Variants in DIDO1 observed in about 807,000 individuals in gnomAD.
DIDO1 encodes the protein death inducer-obliterator 1.
DIDO1 carries 16 observed loss-of-function variants against 99.4 expected under a neutral mutation model. The ratio of observed to expected loss-of-function variants is 0.16; its 90% CI spans 0.11 to 0.24. The LOEUF (loss-of-function observed/expected upper bound fraction) is 0.24, where lower values mean the gene tolerates loss of function less well. Ranked by LOEUF, DIDO1 falls within the 10% of genes least tolerant of loss-of-function variation. The pLI is 1.00. For synonymous variants in DIDO1, 1,366 were observed against 1,239.1 expected, an observed-to-expected ratio of 1.10 and a Z score of -2.15; for missense variants, 2,996 against 3,014.0, an observed-to-expected ratio of 0.99 and a Z score of 0.14.
intron 1 of DIDO1, 67 bp from the exon 2 acceptor site, chr20:62,914,473 G>C (rs1018830847): frequency 2.0e-5 from 3 of 152,224 alleles, no homozygotes; most frequent in African/African-American, 2.4e-5. Context: ...AATTAAAAGG[G>C]AGTACCGAAC....
At chr20:62,906,129 T>C in intron 5 of DIDO1, 29 bp from the exon 6 acceptor site, 1 of 1,589,012 alleles carries the variant, frequency 6.3e-7, no homozygotes, top group South Asian at 1.1e-5. Context: ...CCCAAATCAT[T>C]AAAAAGGTAA....
In DIDO1 at chr20:62,880,950, T is replaced by C; in HGVS notation, c.5006A>G (p.Gln1669Arg). 6.2e-7 allele frequency: 1 copy of C among 1,607,836 alleles called. No individual in the cohort carries two copies. Among genetic ancestry groups the C allele is most frequent in the Non-Finnish European group, 8.5e-7 (1 of 1,179,664 alleles). The change falls in exon 16 of 16, where the codon CAG (glutamine) becomes CGG (arginine). Residue 1669 changes from glutamine (Q) to arginine (R), a missense_variant. This residue lies in a region of DIDO1 where 1,562 missense variants were observed against 1,412.6 expected (regional missense o/e 1.11). Transcript: ENST00000395343. ...GTCGTGCTGCAGCGGGAAGCCGGGC[T>C]GCAGGGCGCCGCAAGGCGGTGTGGG... The part of the protein sequence containing the change: ...LLPTPPCGAL[Q>R]PGFPLQHDGE...
At chr20:62,909,561 T>C in intron 4 of DIDO1, 138 bp downstream of exon 4, 3 of 923,634 alleles carry the variant, frequency 3.2e-6, no homozygotes, top group Non-Finnish European at 5.0e-6. Flanking sequence ...CTCACCCAGG[T>C]GGAGTGAGGC....
chr20:62,920,628 G>C (rs2065119885), intron 1 of DIDO1, among the ~76,000 whole-genome samples: 1 of 152,188 alleles, frequency 6.6e-6, no homozygotes, highest in African/African-American at 2.4e-5. Context: ...CTCAAAGCGT[G>C]GTCCAGGGGT....
At chr20:62,908,931 TC>T (rs1310932736) in intron 4 of DIDO1, among the ~76,000 whole-genome samples, 3 of 152,242 alleles carry the variant, frequency 2.0e-5, no homozygotes, top group Non-Finnish European at 4.4e-5. Flanking sequence ...AATTCCCATC[TC>T]CATTCATCTC....
intron 4 of DIDO1, among the ~76,000 whole-genome samples, chr20:62,907,999 A>C (rs1410251236): frequency 6.6e-6 from 1 of 151,698 alleles, no homozygotes; most frequent in African/African-American, 2.4e-5. Flanking sequence ...TTTTTGTTTG[A>C]GACAGGGTCT....
chr20:62,933,604 T>A (rs765614457), intron 1 of DIDO1, among the ~76,000 whole-genome samples: 3 of 152,152 alleles, frequency 2.0e-5, no homozygotes, highest in African/African-American at 2.4e-5. Context: ...ATGCAGTGGT[T>A]CACACCTGTA....
Position 62,909,874 on chromosome 20 carries a change from T to C in DIDO1, c.986A>G (p.His329Arg), listed in dbSNP as rs929525542. ...CTILQVQDET[H>R]SETADQQEAK... The stretch of plus-strand genomic sequence containing the variant: ...TTCCTGCTGATCTGCCGTTTCTGAA[T>C]GAGTCTCATCCTGCACTTGCAGAAT... The change falls in exon 4 of 16, where the codon CAT becomes CGT. Residue 329 changes from histidine (H) to arginine (R), a missense_variant. Around this residue, in one of 5 missense-constraint regions of DIDO1, gnomAD observed 898 missense variants for 972.7 expected, o/e 0.92. Coordinates refer to ENST00000395343, the MANE Select transcript of DIDO1 (RefSeq NM_001193369.2). 30 of 1,614,124 alleles carry C rather than the reference T, an allele frequency of 1.9e-5. No individual in the cohort carries two copies. The Admixed American group carries it at 3.8e-4, about 21-fold the overall frequency.
upstream of DIDO1, among the ~76,000 whole-genome samples, chr20:62,930,796 G>T (rs1211058308): frequency 6.6e-6 from 1 of 152,240 alleles, no homozygotes; most frequent in African/African-American, 2.4e-5. Flanking sequence ...ATTAGCCTCT[G>T]TAAGTTACTC....
At position 62,910,851 on chromosome 20, in the gene DIDO1, C is replaced by A; in HGVS notation, c.762G>T (p.Leu254Phe). ...CCTCACATTCAGGCTTCGGTCGGCC[C>A]AAGTCTCCAGGCTCCTCATCTTTGA... ...QDIKDEEPGD[L>F]GRPKPECEGY... The change falls in exon 3 of 16, where the codon TTG becomes TTT. Residue 254 changes from leucine to phenylalanine, a missense_variant. By Grantham distance (22) the Leu-to-Phe change is conservative (BLOSUM62 0). Transcript: ENST00000395343. 1 of 1,614,176 alleles carries A rather than the reference C, an allele frequency of 6.2e-7. No homozygotes were observed. The highest frequency in any genetic ancestry group is 8.5e-7 in the Non-Finnish European group (1 of 1,180,050).
chr20:62,930,449 GAAAAAC>G (rs1186608283), upstream of DIDO1, among the ~76,000 whole-genome samples: 1 of 152,192 alleles, frequency 6.6e-6, no homozygotes, highest in African/African-American at 2.4e-5. Flanking sequence ...AGAATTCAAG[GAAAAAC>G]AGAAACAGAA....
In DIDO1 at chr20:62,880,831, C is replaced by T. The variant is rs754960044; in HGVS notation, c.5125G>A (p.Ala1709Thr). 2 of 1,612,840 alleles carry T rather than the reference C, an allele frequency of 1.2e-6. No homozygotes were observed. The highest frequency in any genetic ancestry group is 2.2e-5 in the South Asian group (2 of 91,086). Residue 1709 changes from alanine to threonine, a missense_variant, in exon 16 of 16, where the codon GCT becomes ACT. This residue lies in a region of DIDO1 where 1,562 missense variants were observed against 1,412.6 expected (regional missense o/e 1.11). Coordinates refer to ENST00000395343, the MANE Select transcript of DIDO1 (RefSeq NM_001193369.2). Reference protein sequence around the residue: ...QYEDPRNLHSAGRSSSPAGET... With the variant: ...QYEDPRNLHSTGRSSSPAGET... ...CCTGCAGGGCTGCTGCTCCTTCCAGCAGAATGAAGATTTCTTGGGTCCTCA... is the reference window on the plus strand; with the variant it reads ...CCTGCAGGGCTGCTGCTCCTTCCAGTAGAATGAAGATTTCTTGGGTCCTCA...
At chr20:62,922,428 A>AG (rs1477637255) in intron 1 of DIDO1, among the ~76,000 whole-genome samples, 1 of 151,998 alleles carries the variant, frequency 6.6e-6, no homozygotes, top group Non-Finnish European at 1.5e-5. Flanking sequence ...CCCTCAGTTA[A>AG]GCAGATGGGG....
chr20:62,906,203 C>T, intron 5 of DIDO1, 103 bp from the exon 6 acceptor site: 1 of 1,438,022 alleles, frequency 7.0e-7, no homozygotes, highest in Non-Finnish European at 9.3e-7. Flanking sequence ...CTTCCTGAGG[C>T]CATCTGAAGA....
chr20:62,917,217 G>A (rs1162332262), intron 1 of DIDO1, among the ~76,000 whole-genome samples: 1 of 151,878 alleles, frequency 6.6e-6, no homozygotes, highest in African/African-American at 2.4e-5. Flanking sequence ...TTTTTGTAGA[G>A]ACAGGGTCTT....
chr20:62,895,259 G>A (rs915121072), intron 8 of DIDO1, 94 bp from the exon 9 acceptor site: 49 of 1,205,274 alleles, frequency 4.1e-5, no homozygotes, highest in African/African-American at 7.5e-5. Context: ...GAAGTTTAGC[G>A]GGCACAGGAC....
intron 1 of DIDO1, among the ~76,000 whole-genome samples, chr20:62,932,478 T>G (rs73314662): frequency 0.017 from 2,664 of 152,340 alleles, 87 homozygotes; most frequent in African/African-American, 0.061. Flanking sequence ...CCCAAACCAG[T>G]AACTGTCTAT....
rs535181138 is a variant in DIDO1, at chr20:62,888,850, T to G, written c.3541+2110A>C. 1.5e-5 allele frequency: 15 copies of G among 985,456 alleles called. No homozygotes were observed. In the Admixed American group the frequency reaches 9.2e-4, roughly 60 times the overall value. 61.0% of individuals were successfully genotyped at this position (985,456 alleles called of 1,614,324 possible). On this transcript the variant is annotated intron_variant, in intron 15 of 15. Coordinates refer to ENST00000395343, the MANE Select transcript of DIDO1 (RefSeq NM_001193369.2). ...GTGTGTGAGATTTCACGCACACGCA[T>G]TCATGTCAACAAGGACATCAGGAGA...
chr20:62,935,312 ATTCC>A (rs578167841), intron 1 of DIDO1, among the ~76,000 whole-genome samples: 98 of 152,092 alleles, frequency 6.4e-4, no homozygotes, highest in African/African-American at 1.8e-3. Context: ...TCACTCATTT[ATTCC>A]TTCGTCACTC....
Sources: allele counts gnomAD v4.1 joint callset (sites outside exome capture counted in the v4.1 genomes callset), GRCh38; gene constraint gnomAD v4.1.1; regional missense constraint gnomAD v4.1.1; transcripts MANE v1.5; gene names NCBI Gene and HGNC (gene_info 2026-07-23, HGNC 2026-07-21).